The following NBPF15 variants were observed in gnomAD, a reference collection of about 807,000 sequenced individuals.
The protein encoded by NBPF15 is NBPF family member NBPF15.
NBPF15 carries 74 observed loss-of-function variants against 62.2 expected under a neutral mutation model. The observed-to-expected ratio is 1.19, with a 90% CI of 0.99 to 1.44. The LOEUF is 1.44. NBPF15 is among the 40% of genes most tolerant of loss of function. The pLI is 0.00. For synonymous variants in NBPF15, 244 were observed against 209.7 expected (o/e 1.16, Z -1.41); for missense variants, 790 against 550.0 (o/e 1.44, Z -4.36).
intron 3 of NBPF15, among the ~76,000 whole-genome samples, chr1:144,457,708 A>G (rs1553547408): frequency 6.6e-6 from 1 of 152,100 alleles, no homozygotes; most frequent in African/African-American, 2.4e-5. Context: ...CAAAATAATC[A>G]TAATAACAAC....
chr1:144,423,774 G>A (rs1437733866), intron 21 of NBPF15, 96 bp downstream of exon 21: 75 of 715,044 alleles, frequency 1.0e-4, no homozygotes, highest in South Asian at 7.0e-4. Context: ...TTCAGCCTTC[G>A]TTGAAAACAT....
intron 13 of NBPF15, among the ~76,000 whole-genome samples, chr1:144,432,679 C>T (rs1675284482): frequency 2.0e-5 from 3 of 151,736 alleles, no homozygotes; most frequent in East Asian, 3.9e-4. Flanking sequence ...ATAAAACAGA[C>T]TTTAAACCAA....
chr1:144,429,097 T>A (rs1672258250), intron 14 of NBPF15, among the ~76,000 whole-genome samples: 1 of 151,874 alleles, frequency 6.6e-6, no homozygotes, highest in South Asian at 2.1e-4. Context: ...TGAAACTTGG[T>A]TCTACACAGA....
At position 144,435,219 on chromosome 1, in the gene NBPF15, G is replaced by A; in HGVS notation, c.664C>T (p.Gln222Ter). 10 of 1,613,026 alleles carry A rather than the reference G, an allele frequency of 6.2e-6. No homozygotes were observed. Among genetic ancestry groups the A allele is most frequent in the Admixed American group, 1.7e-5 (1 of 59,974 alleles). The change falls in exon 12 of 22, where the codon CAG becomes TAG. Residue 222 changes from glutamine (Q) to a stop codon, truncating the protein, a stop_gained. Coordinates refer to ENST00000581897, the MANE Select transcript of NBPF15 (RefSeq NM_001385408.1). LOFTEE classifies it high-confidence loss of function. Reference protein sequence around the residue: ...SNSHGPYDSNQPHKKTKITFE... With the variant: ...SNSHGPYDSN Reference sequence around the variant, plus strand: ...GTGATTTTGGTTTTCTTATGTGGCTGGTTGGAGTCATAAGGGCCATGGCTA... The same window carrying A: ...GTGATTTTGGTTTTCTTATGTGGCTAGTTGGAGTCATAAGGGCCATGGCTA...
At chr1:144,433,118 C>A (rs4950628) in intron 13 of NBPF15, among the ~76,000 whole-genome samples, 17 of 152,128 alleles carry the variant, frequency 1.1e-4, no homozygotes, top group South Asian at 4.2e-4. Flanking sequence ...ACCACAGTGC[C>A]ATCAAATTAG....
chr1:144,439,153 T>C (rs2102185965), intron 8 of NBPF15, among the ~76,000 whole-genome samples: 2 of 151,766 alleles, frequency 1.3e-5, no homozygotes, highest in African/African-American at 4.8e-5. Flanking sequence ...CCATCTACTT[T>C]TTGTATTTTT....
chr1:144,451,205 G>C (rs1238898320), intron 4 of NBPF15, among the ~76,000 whole-genome samples: 1 of 151,766 alleles, frequency 6.6e-6, no homozygotes, highest in Non-Finnish European at 1.5e-5. Context: ...AAAGTGCTGT[G>C]CTTTTGATGT....
Position 144,427,999 on chromosome 1 carries a change from G to C in NBPF15, c.1041-9C>G. On this transcript the variant is annotated splice_polypyrimidine_tract_variant and intron_variant, in intron 15 of 21. Coordinates refer to ENST00000581897, the MANE Select transcript of NBPF15 (RefSeq NM_001385408.1). ...GCAGCTCCCTGCTGAGCCTGGAAAAGTGGGAAAAAGTAAAGAATAAGCCAG... is the reference window on the plus strand; with the variant it reads ...GCAGCTCCCTGCTGAGCCTGGAAAACTGGGAAAAAGTAAAGAATAAGCCAG... The C allele has an allele frequency of 2.7e-6, 2 of 742,924 alleles. No homozygotes were observed. The highest frequency in any genetic ancestry group is 5.0e-6 in the Non-Finnish European group (2 of 399,856). The allele number at this position is 742,924 out of a possible 1,614,324, so 46.0% of individuals were successfully genotyped here.
chr1:144,445,332 A>AATATATAT lies in NBPF15; in HGVS notation c.-191+3435_-191+3442dup, dbSNP rs1246556657. 5.6e-4 allele frequency among the ~76,000 whole-genome samples: 52 copies of AATATATAT among 92,516 alleles called. 1 individual carries two copies. The highest frequency in any genetic ancestry group is 1.6e-3 in the South Asian group (4 of 2,470). The allele number at this position is 92,516 out of a possible 152,430, so 60.7% of individuals were successfully genotyped here. A position where few individuals can be genotyped will look rare whatever the true frequency, so the allele number is the denominator to read the frequency against. ...GGAGATGATAATCTTCAAAACGGTG[A>AATATATAT]ATATATATATATATATATATATACA... On this transcript the variant is annotated intron_variant, in intron 6 of 21. Transcript: ENST00000581897.
intron 4 of NBPF15, among the ~76,000 whole-genome samples, 166 bp from the exon 5 acceptor site, chr1:144,451,036 C>T (rs762166774): frequency 3.3e-5 from 5 of 152,030 alleles, no homozygotes; most frequent in Non-Finnish European, 7.4e-5. Flanking sequence ...ATGGAGGACC[C>T]ATGCCAGCAC....
At chr1:144,434,672 G>A (rs1251664596) in intron 12 of NBPF15, among the ~76,000 whole-genome samples, 2 of 151,518 alleles carry the variant, frequency 1.3e-5, no homozygotes, top group African/African-American at 4.9e-5. Flanking sequence ...TAAGCAAGCT[G>A]ACTTAAAGGA....
At chr1:144,455,080 G>GGAAGGAA (rs1274450154) in intron 4 of NBPF15, among the ~76,000 whole-genome samples, 1 of 145,368 alleles carries the variant, frequency 6.9e-6, no homozygotes, top group African/African-American at 2.6e-5. Context: ...ATGGAGGGAG[G>GGAAGGAA]GAAGGAAGGA....
chr1:144,461,555 A>T lies in NBPF15; in HGVS notation c.-1112T>A, dbSNP rs1553548539. ...ACCGCGTTCACTCAGATGCTCACGC[A>T]GCCTCGCGACCCTCACCTACCCCTC... is the stretch of plus-strand genomic sequence containing the variant. On this transcript the variant is annotated 5_prime_UTR_variant, in exon 1 of 22. Transcript: ENST00000581897. 1 of 152,876 alleles carries T rather than the reference A, an allele frequency of 6.5e-6. No homozygotes were observed. Among genetic ancestry groups the T allele is most frequent in the Non-Finnish European group, 1.5e-5 (1 of 68,712 alleles). 9.5% of individuals were successfully genotyped at this position (152,876 alleles called of 1,614,324 possible).
intron 4 of NBPF15, among the ~76,000 whole-genome samples, chr1:144,456,212 C>T (rs61812361): frequency 0.031 from 4,377 of 142,032 alleles, 205 homozygotes; most frequent in African/African-American, 0.11. Flanking sequence ...AAACAAGAGA[C>T]GGAAATGGGG....
chr1:144,427,797 C>T (rs1400464501), intron 16 of NBPF15, 21 bp downstream of exon 16: 1 of 672,928 alleles, frequency 1.5e-6, no homozygotes, highest in Admixed American at 2.2e-5. Context: ...ATCCTTATCA[C>T]CTTCATAGAA....
At chr1:144,450,925 G>C (rs1468197166) in intron 4 of NBPF15, 55 bp from the exon 5 acceptor site, 1 of 176,852 alleles carries the variant, frequency 5.7e-6, no homozygotes, top group African/African-American at 2.4e-5. Context: ...CACACCTGTG[G>C]GCGTTTCTCG....
At chr1:144,442,317 T>TA (rs1553542961) in intron 6 of NBPF15, among the ~76,000 whole-genome samples, 2 of 128,246 alleles carry the variant, frequency 1.6e-5, no homozygotes, top group African/African-American at 6.1e-5. Context: ...CGTGTATATA[T>TA]TATATATATA....
intron 1 of NBPF15, among the ~76,000 whole-genome samples, 156 bp from the exon 2 acceptor site, chr1:144,461,117 C>G (rs1231287104): frequency 6.6e-6 from 1 of 151,630 alleles, no homozygotes; most frequent in African/African-American, 2.4e-5. Context: ...ACAGGATACA[C>G]GAGGACGTGC....
At chr1:144,424,036 C>T in intron 20 of NBPF15, 61 bp from the exon 21 acceptor site, 1 of 760,266 alleles carries the variant, frequency 1.3e-6, no homozygotes, top group Non-Finnish European at 2.4e-6. Context: ...ATATAACAAT[C>T]CACTGTCTAA....
Sources: allele counts gnomAD v4.1 joint callset (sites outside exome capture counted in the v4.1 genomes callset), GRCh38; gene constraint gnomAD v4.1.1; transcripts MANE v1.5; gene names NCBI Gene and HGNC (gene_info 2026-07-23, HGNC 2026-07-21).